The following MORC2 variants were observed in gnomAD, a reference collection of about 807,000 sequenced individuals.
The protein encoded by MORC2 is ATPase MORC2.
In MORC2, 30 loss-of-function variants were observed where a neutral mutation model predicts 136.0. That is an observed-to-expected ratio of 0.22 (90% CI 0.17 to 0.30). MORC2 has a LOEUF of 0.30. MORC2 is among the 10% of genes least tolerant of loss of function. The pLI is 1.00. For missense variants in MORC2, 922 were observed against 1,333.1 expected (o/e 0.69, Z 4.80); for synonymous variants, 439 against 487.0 (o/e 0.90, Z 1.30).
At chr22:30,967,774 C>G in intron 1 of MORC2, 48 bp downstream of exon 1, 5 of 1,548,258 alleles carry the variant, frequency 3.2e-6, no homozygotes, top group Middle Eastern at 1.7e-4. Context: ...CATATAATAT[C>G]AAGGAACGAG....
intron 5 of MORC2, among the ~76,000 whole-genome samples, chr22:30,948,674 T>G (rs1029813833): frequency 2.0e-5 from 3 of 150,520 alleles, no homozygotes; most frequent in Non-Finnish European, 4.4e-5. Context: ...CAGAAAGACC[T>G]GGTTCCTACC....
Position 30,941,698 on chromosome 22 carries a change from T to A in MORC2, c.699-140A>T. On this transcript the variant is annotated intron_variant, in intron 8 of 25. Transcript: ENST00000397641. The surrounding 1 kb of genome is among the most constrained non-coding windows in gnomAD (Gnocchi z 4.6). ...CTGCTGCCCTGAACTGGTGCTCCCT[T>A]AGTGTGAGCACCACATCCCGCCCCT... The A allele has an allele frequency of 7.8e-7, 1 of 1,285,970 alleles. No individual in the cohort carries two copies. Among genetic ancestry groups the A allele is most frequent in the Non-Finnish European group, 1.1e-6 (1 of 937,062 alleles). The allele number at this position is 1,285,970 out of a possible 1,614,324, so 79.7% of individuals were successfully genotyped here.
intron 1 of MORC2, among the ~76,000 whole-genome samples, chr22:30,962,430 A>C (rs1007292906): frequency 1.3e-5 from 2 of 151,610 alleles, no homozygotes; most frequent in African/African-American, 4.8e-5. Context: ...ATAAATTATT[A>C]TTTATAATAA....
rs1020913210 is a variant in MORC2 at position 30,968,695 on chromosome 22, C to A, written c.-806G>T. ...GTGGCCGCCTCCCCACGAAGAGGAG[C>A]TACTCCCGGCTTCCAAGGACCGGAT... is the stretch of plus-strand genomic sequence containing the variant. On this transcript the variant is annotated 5_prime_UTR_variant, in exon 1 of 26. Transcript: ENST00000397641. 6.6e-6 allele frequency among the ~76,000 whole-genome samples: 1 copy of A among 152,144 alleles called. No individual in the cohort carries two copies. Among genetic ancestry groups the A allele is most frequent in the African/African-American group, 2.4e-5 (1 of 41,432 alleles).
At chr22:30,948,885 A>G (rs2040853021) in intron 5 of MORC2, among the ~76,000 whole-genome samples, 1 of 152,138 alleles carries the variant, frequency 6.6e-6, no homozygotes, top group Non-Finnish European at 1.5e-5. Context: ...GACAAATCAC[A>G]AAGTCCGGAT....
At chr22:30,961,360 T>G (rs1271783614) in intron 1 of MORC2, among the ~76,000 whole-genome samples, 3 of 152,216 alleles carry the variant, frequency 2.0e-5, no homozygotes, top group African/African-American at 4.8e-5. Flanking sequence ...AAAATTAAGG[T>G]GACTTGCCAA....
Position 30,932,592 on chromosome 22 carries a change from G to A in MORC2, c.2700C>T (p.Ala900=). 6.2e-7 allele frequency: 1 copy of A among 1,614,176 alleles called. No individual in the cohort carries two copies. Among genetic ancestry groups the A allele is most frequent in the Non-Finnish European group, 8.5e-7 (1 of 1,180,030 alleles). The change falls in exon 23 of 26, where the codon GCC becomes GCT. Residue 900 remains alanine, a synonymous_variant. Coordinates refer to ENST00000397641, the MANE Select transcript of MORC2 (RefSeq NM_001303256.3). This position sits in a 1 kb window ranked among gnomAD's most constrained non-coding sequence, Gnocchi z 4.4. ...ECLRIEPDTT[A]LSTNHETIDL... is the part of the protein sequence containing the mutation. The stretch of plus-strand genomic sequence containing the variant: ...CGATGGTCTCGTGATTGGTGCTCAG[G>A]GCAGTGGTGTCAGGCTCAATGCGGA...
chr22:30,958,918 T>C lies in MORC2; in HGVS notation c.69-224A>G, dbSNP rs2041004925. 7 of 448,242 alleles carry C rather than the reference T, an allele frequency of 1.6e-5. No individual in the cohort carries two copies. In the South Asian group the frequency reaches 2.0e-4, roughly 13 times the overall value. 27.8% of individuals were successfully genotyped at this position (448,242 alleles called of 1,614,324 possible). On this transcript the variant is annotated intron_variant, in intron 1 of 25. Transcript: ENST00000397641. Reference sequence around the variant, plus strand: ...TTCAGAAATGATTATTCTTCCTATTTTGAGTTGGGAAACCCACCCTGAAGC... The same window carrying C: ...TTCAGAAATGATTATTCTTCCTATTCTGAGTTGGGAAACCCACCCTGAAGC...
At position 30,932,150 on chromosome 22, in the gene MORC2, CAG is replaced by C. The variant is rs1257801473; in HGVS notation, c.2841+207_2841+208del. The C allele has an allele frequency of 3.7e-6, 2 of 536,620 alleles. No homozygotes were observed. The highest frequency in any genetic ancestry group is 1.9e-5 in the African/African-American group (1 of 52,658). The allele number at this position is 536,620 out of a possible 1,614,324, so 33.2% of individuals were successfully genotyped here. A position where few individuals can be genotyped will look rare whatever the true frequency, so the allele number is the denominator to read the frequency against. ...GGGAAGGGGTTGGCTTTCTGCACAC[CAG>C]AGTCATATCCAGCTAAGCCAATTTT... On this transcript the variant is annotated intron_variant, in intron 24 of 25. Transcript: ENST00000397641. The surrounding 1 kb of genome is among the most constrained non-coding windows in gnomAD (Gnocchi z 4.4).
chr22:30,936,393 A>G (rs1431052697), intron 17 of MORC2, 118 bp downstream of exon 17: 3 of 1,420,892 alleles, frequency 2.1e-6, no homozygotes, highest in Non-Finnish European at 2.9e-6. Flanking sequence ...TTGGCAAACA[A>G]CGCGGGTGAG....
chr22:30,938,169 A>G lies in MORC2; in HGVS notation c.1110T>C (p.Phe370=). 6.2e-7 allele frequency: 1 copy of G among 1,614,168 alleles called. No individual in the cohort carries two copies. ...LKEPKELNFV[F]GVNIEHRDLD... is the part of the protein sequence containing the mutation. ...GATCCCGGTGTTCAATGTTGACACCAAAAACAAAATTCAGTTCCTTAGGTT... is the reference window on the plus strand; with the variant it reads ...GATCCCGGTGTTCAATGTTGACACCGAAAACAAAATTCAGTTCCTTAGGTT... Residue 370 remains phenylalanine (F), a synonymous_variant, in exon 13 of 26, where the codon TTT becomes TTC. Coordinates refer to ENST00000397641, the MANE Select transcript of MORC2 (RefSeq NM_001303256.3).
Position 30,941,606 on chromosome 22 carries a change from G to C in MORC2, c.699-48C>G, listed in dbSNP as rs752984775. On this transcript the variant is annotated intron_variant, in intron 8 of 25. Coordinates refer to ENST00000397641, the MANE Select transcript of MORC2 (RefSeq NM_001303256.3). The surrounding 1 kb of genome is among the most constrained non-coding windows in gnomAD (Gnocchi z 4.6). ...AGTGCTGTCACCTGCTCCACAACAGGCCTGACCAAGGGCACAACATCCTCT... is the reference window on the plus strand; with the variant it reads ...AGTGCTGTCACCTGCTCCACAACAGCCCTGACCAAGGGCACAACATCCTCT... 6.3e-7 allele frequency: 1 copy of C among 1,593,596 alleles called. No homozygotes were observed. Among genetic ancestry groups the C allele is most frequent in the Non-Finnish European group, 8.6e-7 (1 of 1,166,262 alleles).
chr22:30,945,315 C>T (rs769139051), intron 6 of MORC2, among the ~76,000 whole-genome samples: 67 of 152,208 alleles, frequency 4.4e-4, no homozygotes, highest in Admixed American at 7.9e-4. Context: ...TGGCTTGCTA[C>T]GTAATGACGG....
chr22:30,962,172 T>C (rs2147319775), intron 1 of MORC2, among the ~76,000 whole-genome samples: 1 of 149,562 alleles, frequency 6.7e-6, no homozygotes, highest in East Asian at 2.0e-4. Flanking sequence ...ATCGCGCCAC[T>C]GTACTCCAGC....
chr22:30,957,397 A>C (rs569751679), intron 2 of MORC2, among the ~76,000 whole-genome samples: 2 of 152,244 alleles, frequency 1.3e-5, no homozygotes, highest in Non-Finnish European at 2.9e-5. Context: ...TCAGTTATCA[A>C]TGAAGACTTC....
intron 6 of MORC2, among the ~76,000 whole-genome samples, chr22:30,944,718 T>A (rs1394303807): frequency 6.6e-6 from 1 of 152,106 alleles, no homozygotes; most frequent in African/African-American, 2.4e-5. Flanking sequence ...AACCTATGAG[T>A]CATCCATGAC....
intron 12 of MORC2, among the ~76,000 whole-genome samples, chr22:30,938,426 A>G (rs1216239995): frequency 1.3e-5 from 2 of 152,172 alleles, no homozygotes; most frequent in Admixed American, 6.5e-5. Flanking sequence ...GGCAACAGGG[A>G]TGGTTGCCAA....
intron 1 of MORC2, among the ~76,000 whole-genome samples, chr22:30,961,205 C>T (rs2285920): frequency 0.038 from 5,710 of 151,826 alleles, 171 homozygotes; most frequent in East Asian, 0.11. Context: ...TGTCTTGTGC[C>T]CCCTCAGTAA....
chr22:30,940,084 A>C, intron 10 of MORC2, 43 bp from the exon 11 acceptor site: 1 of 1,594,100 alleles, frequency 6.3e-7, no homozygotes, highest in Non-Finnish European at 8.6e-7. Flanking sequence ...CAAAGGTTCA[A>C]AACTCTTGGT....
Sources: allele counts gnomAD v4.1 joint callset (sites outside exome capture counted in the v4.1 genomes callset), GRCh38; gene constraint gnomAD v4.1.1; non-coding constraint Gnocchi (gnomAD v3.1); transcripts MANE v1.5; gene names NCBI Gene and HGNC (gene_info 2026-07-23, HGNC 2026-07-21).